The following TRDN variants were observed in gnomAD, a reference collection of about 807,000 sequenced individuals.
The protein encoded by TRDN is triadin in skeletal muscle.
Under a neutral mutation model 149.7 loss-of-function variants are expected in TRDN, and 161 were observed. The ratio of observed to expected loss-of-function variants is 1.08; its 90% CI spans 0.95 to 1.23. The LOEUF (loss-of-function observed/expected upper bound fraction) is 1.23. Among genes scored for constraint, TRDN ranks in the 50% most tolerant of loss-of-function variants. The pLI, the probability that TRDN is intolerant of heterozygous loss-of-function variation, is 0.00. For missense variants in TRDN, 896 were observed against 823.5 expected (o/e 1.09, Z -1.08); for synonymous variants, 294 against 250.5 (o/e 1.17, Z -1.64).
intron 16 of TRDN, among the ~76,000 whole-genome samples, chr6:123,379,136 T>G (rs978255233): frequency 6.6e-6 from 1 of 152,194 alleles, no homozygotes; most frequent in African/African-American, 2.4e-5. Flanking sequence ...AATGAATAGA[T>G]TTTGAAGACT....
chr6:123,267,100 T>TAAAAAAAAAAAA (rs1562238004), intron 32 of TRDN, among the ~76,000 whole-genome samples: 1 of 4,096 alleles, frequency 2.4e-4, no homozygotes, highest in African/African-American at 2.9e-3. Flanking sequence ...AGATTTTGTC[T>TAAAAAAAAAAAA]CAAAAAAAAA....
rs1775036104 is a variant in TRDN at position 123,218,816 on chromosome 6, A to G, written c.2051-76T>C. On this transcript the variant is annotated intron_variant, in intron 40 of 40. Coordinates refer to ENST00000334268, the MANE Select transcript of TRDN (RefSeq NM_006073.4). ...AAAGCACAGTGAGGCAGTGCAGTGCAGCAGATAAGGTCACAGATTCTGCCA... is the reference window on the plus strand; with the variant it reads ...AAAGCACAGTGAGGCAGTGCAGTGCGGCAGATAAGGTCACAGATTCTGCCA... 3.5e-6 allele frequency: 5 copies of G among 1,446,856 alleles called. No individual in the cohort carries two copies. In the Admixed American group the frequency reaches 1.1e-4, roughly 32 times the overall value. 89.6% of individuals were successfully genotyped at this position (1,446,856 alleles called of 1,614,324 possible).
intron 2 of TRDN, 51 bp from the exon 3 acceptor site, chr6:123,548,663 A>G: frequency 7.7e-7 from 1 of 1,292,326 alleles, no homozygotes; most frequent in Non-Finnish European, 9.9e-7. Flanking sequence ...ATCATTTCCA[A>G]ATAACTTAAG....
intron 9 of TRDN, among the ~76,000 whole-genome samples, chr6:123,492,262 T>A (rs1325993018): frequency 6.6e-6 from 1 of 152,216 alleles, no homozygotes; most frequent in African/African-American, 2.4e-5. Context: ...AATAGTGGAA[T>A]AACTTCTAAG....
intron 37 of TRDN, among the ~76,000 whole-genome samples, chr6:123,254,496 T>G (rs972875063): frequency 3.3e-5 from 5 of 152,018 alleles, no homozygotes; most frequent in Non-Finnish European, 5.9e-5. Flanking sequence ...TTTAAAGCAC[T>G]TTTTTAAAGT....
chr6:123,557,082 C>T (rs1379091826), intron 2 of TRDN, among the ~76,000 whole-genome samples: 3 of 111,256 alleles, frequency 2.7e-5, no homozygotes, highest in Non-Finnish European at 3.6e-5. Flanking sequence ...CAGAGAATAA[C>T]CCCCCTTTGA....
chr6:123,363,282 G>C (rs2114346988), intron 20 of TRDN, among the ~76,000 whole-genome samples: 1 of 152,230 alleles, frequency 6.6e-6, no homozygotes, highest in African/African-American at 2.4e-5. Flanking sequence ...TTTGGGGATT[G>C]GGTAGTAAAT....
chr6:123,359,860 TA>T (rs1780828437), intron 20 of TRDN, among the ~76,000 whole-genome samples: 1 of 152,036 alleles, frequency 6.6e-6, no homozygotes, highest in African/African-American at 2.4e-5. Flanking sequence ...CACGCCTGGC[TA>T]ATTTTTCGTA....
intron 18 of TRDN, among the ~76,000 whole-genome samples, chr6:123,376,066 G>A: frequency 6.6e-6 from 1 of 152,146 alleles, no homozygotes; most frequent in Admixed American, 6.5e-5. Flanking sequence ...TTGCTGCATT[G>A]TAATCACACA....
chr6:123,504,541 G>T (rs956993076), intron 7 of TRDN, among the ~76,000 whole-genome samples: 1 of 151,972 alleles, frequency 6.6e-6, no homozygotes, highest in Non-Finnish European at 1.5e-5. Flanking sequence ...TCAGATATTG[G>T]CTCCTGTTTA....
At chr6:123,422,699 T>C (rs1283220676) in intron 12 of TRDN, among the ~76,000 whole-genome samples, 2 of 152,152 alleles carry the variant, frequency 1.3e-5, no homozygotes, top group Non-Finnish European at 2.9e-5. Context: ...TTTATACAAG[T>C]AGTAATTTAG....
intron 22 of TRDN, among the ~76,000 whole-genome samples, chr6:123,332,517 A>G (rs1290120879): frequency 3.9e-5 from 6 of 152,062 alleles, no homozygotes; most frequent in Non-Finnish European, 5.9e-5. Context: ...TACTTATTCT[A>G]CCACCTTCCA....
intron 14 of TRDN, among the ~76,000 whole-genome samples, chr6:123,386,270 G>A (rs963899546): frequency 6.6e-6 from 1 of 152,178 alleles, no homozygotes; most frequent in African/African-American, 2.4e-5. Flanking sequence ...TTTTTAATTG[G>A]TAGTATCAGA....
chr6:123,443,852 G>A (rs935135634), intron 10 of TRDN, among the ~76,000 whole-genome samples: 14 of 150,666 alleles, frequency 9.3e-5, no homozygotes, highest in African/African-American at 3.5e-4. Context: ...TTATTTCTGA[G>A]GGCTCTGTTC....
At chr6:123,560,956 C>G (rs1830576) in intron 2 of TRDN, among the ~76,000 whole-genome samples, 59,022 of 152,022 alleles carry the variant, frequency 0.39, 13,465 homozygotes, top group East Asian at 0.85. Flanking sequence ...AGGGATTGTT[C>G]AGGCCTCCTC....
intron 20 of TRDN, among the ~76,000 whole-genome samples, chr6:123,361,752 T>C (rs1032005125): frequency 1.3e-5 from 2 of 152,296 alleles, no homozygotes; most frequent in Non-Finnish European, 2.9e-5. Context: ...ATCACCTTCC[T>C]ATTGGAAGTT....
chr6:123,571,659 CAGAT>C (rs952732940), intron 1 of TRDN, among the ~76,000 whole-genome samples: 22 of 151,892 alleles, frequency 1.4e-4, no homozygotes, highest in African/African-American at 5.3e-4. Flanking sequence ...AATAGATAAG[CAGAT>C]AGTTTTAATC....
chr6:123,509,247 G>A (rs1343131429), intron 7 of TRDN, among the ~76,000 whole-genome samples: 1 of 151,836 alleles, frequency 6.6e-6, no homozygotes, highest in Non-Finnish European at 1.5e-5. Flanking sequence ...AAGTATTTAT[G>A]GCAAGCAGAC....
At chr6:123,302,046 A>C (rs1476728226) in intron 24 of TRDN, among the ~76,000 whole-genome samples, 3 of 150,700 alleles carry the variant, frequency 2.0e-5, no homozygotes, top group Non-Finnish European at 4.4e-5. Context: ...TCAATTTTAC[A>C]TATAATATGT....
Sources: allele counts gnomAD v4.1 joint callset (sites outside exome capture counted in the v4.1 genomes callset), GRCh38; gene constraint gnomAD v4.1.1; transcripts MANE v1.5; gene names NCBI Gene and HGNC (gene_info 2026-07-23, HGNC 2026-07-21).